ZBTB16: variants seen among roughly 807,000 people sequenced by gnomAD.
ZBTB16 encodes the protein zinc finger and BTB domain containing 16, also known as zinc finger and BTB domain-containing protein 16.
ZBTB16 carries 8 observed loss-of-function variants against 56.8 expected under a neutral mutation model. That is an observed-to-expected ratio of 0.14 (90% CI 0.08 to 0.25). The LOEUF (loss-of-function observed/expected upper bound fraction) is 0.25. ZBTB16 is among the 10% of genes least tolerant of loss of function. The probability of loss-of-function intolerance (pLI) is 1.00; values close to 1 mark genes in which losing one functional copy is unlikely to be tolerated. For missense variants in ZBTB16, 625 were observed against 903.0 expected, an observed-to-expected ratio of 0.69 and a Z score of 3.95; for synonymous variants, 363 against 368.5, an observed-to-expected ratio of 0.98 and a Z score of 0.17.
chr11:114,150,481 T>G (rs1485035126), intron 2 of ZBTB16, among the ~76,000 whole-genome samples: 9 of 152,070 alleles, frequency 5.9e-5, no homozygotes, highest in Non-Finnish European at 1.3e-4. Context: ...TTAAAAACAA[T>G]TATTTAAAAA....
At chr11:114,181,139 A>G (rs1274095376) in intron 3 of ZBTB16, among the ~76,000 whole-genome samples, 1 of 152,238 alleles carries the variant, frequency 6.6e-6, no homozygotes, top group Non-Finnish European at 1.5e-5. Flanking sequence ...TGGCCCCCAA[A>G]TAACTGTACA....
chr11:114,231,204 G>A (rs190606042), intron 4 of ZBTB16, among the ~76,000 whole-genome samples: 198 of 152,272 alleles, frequency 1.3e-3, no homozygotes, highest in African/African-American at 4.5e-3. Flanking sequence ...TGGAAACTCC[G>A]TGCCTCCCGT....
At chr11:114,209,381 T>C in intron 4 of ZBTB16, 1 of 985,368 alleles carries the variant, frequency 1.0e-6, no homozygotes, top group African/African-American at 1.7e-5. Flanking sequence ...GTTAATGGTG[T>C]CTGGGATTTG....
chr11:114,175,845 C>T (rs540923467), intron 3 of ZBTB16, among the ~76,000 whole-genome samples: 19 of 151,930 alleles, frequency 1.3e-4, no homozygotes, highest in East Asian at 9.7e-4. Context: ...GCTGGGGGAC[C>T]GGGGCAGGGC....
chr11:114,088,924 CA>C (rs1009265047), intron 2 of ZBTB16, among the ~76,000 whole-genome samples: 2 of 152,138 alleles, frequency 1.3e-5, no homozygotes, highest in South Asian at 2.1e-4. Flanking sequence ...GGGGCCCCCC[CA>C]CACAATGCCT....
At chr11:114,183,563 G>A (rs535692072) in intron 3 of ZBTB16, among the ~76,000 whole-genome samples, 5 of 152,318 alleles carry the variant, frequency 3.3e-5, no homozygotes, top group Non-Finnish European at 7.3e-5. Context: ...GCCGATTGGA[G>A]TGCCCTCCCC....
At chr11:114,104,488 G>A (rs238926) in intron 2 of ZBTB16, among the ~76,000 whole-genome samples, 80,559 of 152,054 alleles carry the variant, frequency 0.53, 23,982 homozygotes, top group African/African-American at 0.82. Context: ...AAGGGAAAGG[G>A]AAGTACCCCC....
At chr11:114,104,106 A>C (rs1940707000) in intron 2 of ZBTB16, among the ~76,000 whole-genome samples, 1 of 152,204 alleles carries the variant, frequency 6.6e-6, no homozygotes, top group South Asian at 2.1e-4. Flanking sequence ...CCTGTCTGAC[A>C]ACACAAGGAT....
chr11:114,179,137 G>C (rs566366501), intron 3 of ZBTB16, among the ~76,000 whole-genome samples: 1 of 152,160 alleles, frequency 6.6e-6, no homozygotes, highest in Non-Finnish European at 1.5e-5. Flanking sequence ...CTATCAATGG[G>C]GCTGGTTGTT....
chr11:114,092,995 C>T (rs1405660522), intron 2 of ZBTB16, among the ~76,000 whole-genome samples: 1 of 152,000 alleles, frequency 6.6e-6, no homozygotes, highest in African/African-American at 2.4e-5. Flanking sequence ...AAAACACACA[C>T]ACACCACACC....
rs775738794 is a variant in ZBTB16, at chr11:114,235,682, C to CTTTCTTTCT, written c.1454-6473_1454-6465dup. Among the ~76,000 whole-genome samples, 334 of 36,088 alleles carry CTTTCTTTCT rather than the reference C, an allele frequency of 9.3e-3. 4 individuals carry two copies. The highest frequency in any genetic ancestry group is 0.024 in the African/African-American group (315 of 13,368). The allele number at this position is 36,088 out of a possible 152,430, so 23.7% of individuals were successfully genotyped here. A position where few individuals can be genotyped will look rare whatever the true frequency, so the allele number is the denominator to read the frequency against. On this transcript the variant is annotated intron_variant, in intron 4 of 6. Transcript: ENST00000335953. ...TCTTTCTTTCTTTCTTTCTTTCTTTCTTTCTTTCTTTTCTTTCTTTCTTTT... is the reference window on the plus strand; with the variant it reads ...TCTTTCTTTCTTTCTTTCTTTCTTTCTTTCTTTCTTTTCTTTCTTTTCTTTCTTTCTTTT...
chr11:114,082,398 ACT>A (rs1221900065), intron 2 of ZBTB16, among the ~76,000 whole-genome samples: 2 of 152,270 alleles, frequency 1.3e-5, no homozygotes, highest in African/African-American at 4.8e-5. Context: ...TACTTAACAC[ACT>A]CTGCACAGTG....
At chr11:114,177,549 G>T (rs1325407420) in intron 3 of ZBTB16, among the ~76,000 whole-genome samples, 7 of 152,140 alleles carry the variant, frequency 4.6e-5, no homozygotes, top group South Asian at 2.1e-4. Context: ...ACCGCACCCG[G>T]CCCGGGACTT....
chr11:114,067,008 G>A (rs1230423283), intron 2 of ZBTB16, among the ~76,000 whole-genome samples: 2 of 152,024 alleles, frequency 1.3e-5, no homozygotes, highest in African/African-American at 4.8e-5. Context: ...TTGACCTTGC[G>A]ATCCATCCAC....
At chr11:114,089,524 G>C (rs1940104550) in intron 2 of ZBTB16, among the ~76,000 whole-genome samples, 1 of 152,168 alleles carries the variant, frequency 6.6e-6, no homozygotes, top group Non-Finnish European at 1.5e-5. Context: ...ATGTTTAATA[G>C]GTTGAATTGT....
At chr11:114,207,748 G>A (rs1311468071) in intron 4 of ZBTB16, among the ~76,000 whole-genome samples, 1 of 152,106 alleles carries the variant, frequency 6.6e-6, no homozygotes, top group Non-Finnish European at 1.5e-5. Context: ...TGAGTAGCTG[G>A]GATTACAGGC....
chr11:114,246,400 T>C (rs1944818164), intron 5 of ZBTB16, among the ~76,000 whole-genome samples: 1 of 152,234 alleles, frequency 6.6e-6, no homozygotes, highest in Non-Finnish European at 1.5e-5. Context: ...CTCATTTTTT[T>C]CTCAACTGTA....
intron 4 of ZBTB16, among the ~76,000 whole-genome samples, chr11:114,228,348 T>TA (rs1323633992): frequency 1.6e-4 from 24 of 152,198 alleles, no homozygotes; most frequent in Admixed American, 4.6e-4. Context: ...AGTGTGAAAA[T>TA]ACCTGTAAAG....
intron 3 of ZBTB16, among the ~76,000 whole-genome samples, chr11:114,172,630 A>G (rs906237080): frequency 6.6e-6 from 1 of 152,168 alleles, no homozygotes; most frequent in Admixed American, 6.5e-5. Context: ...CTCACGTGGT[A>G]CAGATTGCAC....
Sources: gnomAD v4.1 joint callset for allele counts (sites outside exome capture counted in the v4.1 genomes callset) on GRCh38, gnomAD v4.1.1 for gene constraint, MANE v1.5 for transcripts, NCBI Gene and HGNC (gene_info 2026-07-23, HGNC 2026-07-21) for gene names.